The following TPPP variants were observed in gnomAD, a reference collection of about 807,000 sequenced individuals.
TPPP encodes the protein tubulin polymerization promoting protein.
A neutral mutation model predicts 15.5 loss-of-function variants in TPPP; 6 were observed. The observed-to-expected ratio is 0.39, with a 90% CI of 0.21 to 0.77. The LOEUF (loss-of-function observed/expected upper bound fraction) is 0.77, where lower values mean the gene tolerates loss of function less well. Among genes scored for constraint, TPPP ranks in the 30% least tolerant of loss-of-function variants. TPPP has a pLI of 0.42. For missense variants in TPPP, 269 were observed against 307.2 expected (o/e 0.88, Z 0.93); for synonymous variants, 146 against 133.9 (o/e 1.09, Z -0.63).
rs554482369 is a variant in TPPP at position 671,347 on chromosome 5, G to T, written c.312-5224C>A. ...GGACTTGGGGCCCAGAGGGACCCCG[G>T]GCAGATCTGAGGGGCCCGACCTTCT... On this transcript the variant is annotated intron_variant, in intron 2 of 3. Coordinates refer to ENST00000360578, the MANE Select transcript of TPPP (RefSeq NM_007030.3). 9.8e-4 allele frequency among the ~76,000 whole-genome samples: 150 copies of T among 152,304 alleles called. 1 individual carries two copies. The highest frequency in any genetic ancestry group is 3.5e-3 in the African/African-American group (144 of 41,570).
At chr5:681,048 G>A (rs1292597169) in intron 1 of TPPP, among the ~76,000 whole-genome samples, 1 of 152,178 alleles carries the variant, frequency 6.6e-6, no homozygotes, top group Non-Finnish European at 1.5e-5. Context: ...AATTTTGAGA[G>A]AACATGGAGG....
intron 1 of TPPP, among the ~76,000 whole-genome samples, chr5:692,156 CCCCCAACCACCTATCAAAACAGCAG>C (rs1252340362): frequency 8.7e-5 from 7 of 80,882 alleles, no homozygotes; most frequent in Admixed American, 1.3e-4. Flanking sequence ...AAAACAGCAG[CCCCCAACCACCTATCAAAACAGCAG>C]CCCCCAACCC....
chr5:698,723 G>A, the TPPP span, among the ~76,000 whole-genome samples: 1 of 151,944 alleles, frequency 6.6e-6, no homozygotes, highest in Non-Finnish European at 1.5e-5. Context: ...CGGGAATTAT[G>A]GGAGCTACAA....
At chr5:670,804 G>A (rs988138826) in intron 2 of TPPP, among the ~76,000 whole-genome samples, 1 of 152,176 alleles carries the variant, frequency 6.6e-6, no homozygotes, top group Non-Finnish European at 1.5e-5. Flanking sequence ...GACAGAGGTC[G>A]GTGGCAAGCC....
chr5:691,590 C>T (rs1225595764), intron 1 of TPPP, among the ~76,000 whole-genome samples: 315 of 31,210 alleles, frequency 0.01, 42 homozygotes, highest in Non-Finnish European at 0.016. Context: ...AAAACAATAG[C>T]CCCCAACCCC....
intron 2 of TPPP, among the ~76,000 whole-genome samples, chr5:674,205 A>G (rs1740324856): frequency 6.6e-6 from 1 of 152,236 alleles, no homozygotes; most frequent in Admixed American, 6.5e-5. Context: ...CCTGGAACAC[A>G]CATTGGGCGG....
At position 665,000 on chromosome 5, in the gene TPPP, G is replaced by A. The variant is rs574595647; in HGVS notation, c.*102C>T. On this transcript the variant is annotated 3_prime_UTR_variant, in exon 4 of 4. Transcript: ENST00000360578. Reference sequence around the variant, plus strand: ...CCCCCCAGCCCCCTCTGGGGCACCCGTCTGAGTTCTGCCCCAGTTAGTACA... The same window carrying A: ...CCCCCCAGCCCCCTCTGGGGCACCCATCTGAGTTCTGCCCCAGTTAGTACA... The A allele has an allele frequency of 1.6e-5, 23 of 1,401,926 alleles. No individual in the cohort carries two copies. The highest frequency in any genetic ancestry group is 1.3e-4 in the South Asian group (10 of 74,428). The allele number at this position is 1,401,926 out of a possible 1,614,324, so 86.8% of individuals were successfully genotyped here.
In TPPP at chr5:691,647, C is replaced by A. The variant is rs532169293; in HGVS notation, c.-5+1631G>T. 7.4e-3 allele frequency among the ~76,000 whole-genome samples: 151 copies of A among 20,438 alleles called. 4 individuals carry two copies. Among genetic ancestry groups the A allele is most frequent in the African/African-American group, 0.039 (140 of 3,632 alleles). 13.4% of individuals were successfully genotyped at this position (20,438 alleles called of 152,430 possible). On this transcript the variant is annotated intron_variant, in intron 1 of 3. Coordinates refer to ENST00000360578, the MANE Select transcript of TPPP (RefSeq NM_007030.3). The stretch of plus-strand genomic sequence containing the variant: ...ACCCCATCAAAACAGCAGCCCCCAA[C>A]CCCCATCAAAACAGCAGCCCCCAAA...
chr5:692,231 T>C (rs74534533), intron 1 of TPPP, among the ~76,000 whole-genome samples: 5 of 60,568 alleles, frequency 8.3e-5, no homozygotes, highest in African/African-American at 1.3e-4. Flanking sequence ...ATCAAAACAG[T>C]AGCCTCCCAA....
chr5:667,212 C>T (rs962488742), intron 2 of TPPP: 24 of 152,338 alleles, frequency 1.6e-4, no homozygotes, highest in African/African-American at 4.1e-4. Flanking sequence ...AAAGTGGCAG[C>T]GACGTGGGCA....
intron 1 of TPPP, among the ~76,000 whole-genome samples, chr5:685,865 G>A (rs893966214): frequency 6.6e-6 from 1 of 152,106 alleles, no homozygotes; most frequent in Admixed American, 6.5e-5. Context: ...GGGAGACTCA[G>A]GATTAAGGAT....
chr5:665,940 G>T, intron 3 of TPPP, 30 bp downstream of exon 3: 1 of 274,376 alleles, frequency 3.6e-6, no homozygotes, highest in Non-Finnish European at 5.5e-6. Flanking sequence ...ACCCCCTCCA[G>T]GCCCCGCCTT....
chr5:678,662 T>G (rs1187234788), intron 1 of TPPP, among the ~76,000 whole-genome samples: 6 of 147,138 alleles, frequency 4.1e-5, no homozygotes, highest in Admixed American at 3.9e-4. Context: ...CGCCTCAGGA[T>G]GCTCTTCCCA....
chr5:682,790 C>T (rs977807499), intron 1 of TPPP, among the ~76,000 whole-genome samples: 12 of 152,246 alleles, frequency 7.9e-5, no homozygotes, highest in East Asian at 1.9e-4. Flanking sequence ...CGACTGCTCT[C>T]CATGTGGATG....
intron 2 of TPPP, chr5:667,078 C>CTTT (rs1301001938): frequency 6.6e-6 from 1 of 152,166 alleles, no homozygotes; most frequent in African/African-American, 2.4e-5. Flanking sequence ...ACCCATAAAA[C>CTTT]CCCAGCAAGC....
At chr5:675,720 G>C (rs1489933365) in intron 2 of TPPP, 1 of 154,174 alleles carries the variant, frequency 6.5e-6, no homozygotes, top group Non-Finnish European at 1.4e-5. Flanking sequence ...GGCTCCTTGT[G>C]CCTTCCTGGT....
At chr5:694,734 G>GTGCGGGCTCGGC (rs1740987696), upstream of TPPP, among the ~76,000 whole-genome samples, 1 of 27,128 alleles carries the variant, frequency 3.7e-5, no homozygotes, top group African/African-American at 9.5e-5. Context: ...TCCTGCTCGG[G>GTGCGGGCTCGGC]TGCGGGCTCG....
chr5:675,028 G>T, intron 2 of TPPP, among the ~76,000 whole-genome samples: 1 of 115,076 alleles, frequency 8.7e-6, no homozygotes, highest in African/African-American at 3.3e-5. Context: ...GGCCGGGGGA[G>T]CAGTGAGGGG....
intron 1 of TPPP, among the ~76,000 whole-genome samples, chr5:683,091 C>T (rs1382794610): frequency 6.6e-6 from 1 of 151,062 alleles, no homozygotes; most frequent in Non-Finnish European, 1.5e-5. Context: ...GCTCCACCTG[C>T]CCTAGAGAAG....
Sources: gnomAD v4.1 joint callset for allele counts (sites outside exome capture counted in the v4.1 genomes callset) on GRCh38, gnomAD v4.1.1 for gene constraint, MANE v1.5 for transcripts, NCBI Gene and HGNC (gene_info 2026-07-23, HGNC 2026-07-21) for gene names.